Variants in CERS6 observed in about 807,000 individuals in gnomAD.
CERS6 encodes ceramide synthase 6.
CERS6 carries 26 observed loss-of-function variants against 56.8 expected under a neutral mutation model. That is an observed-to-expected ratio of 0.46 (90% CI 0.34 to 0.63). The LOEUF (loss-of-function observed/expected upper bound fraction) is 0.63, where lower values mean the gene tolerates loss of function less well. CERS6 is among the 30% of genes least tolerant of loss of function. The pLI is 0.01. For synonymous variants in CERS6, 164 were observed against 173.3 expected (o/e 0.95, Z 0.42); for missense variants, 415 against 467.5 (o/e 0.89, Z 1.04).
At chr2:168,695,488 A>G (rs1217539012) in intron 6 of CERS6, among the ~76,000 whole-genome samples, 4 of 152,182 alleles carry the variant, frequency 2.6e-5, no homozygotes, top group Admixed American at 6.5e-5. Context: ...AGCATTCCTC[A>G]GTGAACTGTG....
chr2:168,715,179 G>C (rs1448708206), intron 7 of CERS6, 50 bp downstream of exon 7: 3 of 1,555,754 alleles, frequency 1.9e-6, no homozygotes, highest in East Asian at 4.5e-5. Flanking sequence ...AATTTAGGAA[G>C]TCCCCAATCT....
At chr2:168,513,676 T>C (rs1375346009) in intron 1 of CERS6, among the ~76,000 whole-genome samples, 1 of 152,210 alleles carries the variant, frequency 6.6e-6, no homozygotes, top group Non-Finnish European at 1.5e-5. Flanking sequence ...TTGCCAGGTT[T>C]CTCTGCTCGA....
intron 1 of CERS6, among the ~76,000 whole-genome samples, chr2:168,541,969 T>C (rs1695380917): frequency 6.6e-6 from 1 of 152,236 alleles, no homozygotes; most frequent in South Asian, 2.1e-4. Context: ...TGCTTGCTGC[T>C]GTGTCTGTGT....
intron 4 of CERS6, among the ~76,000 whole-genome samples, chr2:168,662,081 C>G (rs962970813): frequency 1.3e-5 from 2 of 149,550 alleles, no homozygotes; most frequent in African/African-American, 4.9e-5. Context: ...TCATAATTAT[C>G]TTCAGCTGAG....
intron 3 of CERS6, among the ~76,000 whole-genome samples, chr2:168,620,068 TA>T (rs1684432058): frequency 9.5e-6 from 1 of 105,208 alleles, no homozygotes; most frequent in South Asian, 3.6e-4. Flanking sequence ...CACACATATT[TA>T]TATATATATG....
chr2:168,748,665 T>G lies in CERS6; in HGVS notation c.846-16927T>G, dbSNP rs530213318. On this transcript the variant is annotated intron_variant, in intron 8 of 9. Transcript: ENST00000305747. Reference sequence around the variant, plus strand: ...GCCTGTCCAAGGCTTGCCAGCAAATTGGTCACATCAGGCAGATTTCCAGCC... The same window carrying G: ...GCCTGTCCAAGGCTTGCCAGCAAATGGGTCACATCAGGCAGATTTCCAGCC... 3.9e-5 allele frequency among the ~76,000 whole-genome samples: 6 copies of G among 152,248 alleles called. No homozygotes were observed. The East Asian group carries it at 1.2e-3, about 29-fold the overall frequency.
intron 6 of CERS6, among the ~76,000 whole-genome samples, chr2:168,712,537 T>C (rs1467292559): frequency 1.3e-5 from 2 of 152,216 alleles, no homozygotes; most frequent in Non-Finnish European, 2.9e-5. Flanking sequence ...CCTCCCAATT[T>C]ATATCTGAAT....
At chr2:168,581,022 C>CT (rs201849418) in intron 3 of CERS6, among the ~76,000 whole-genome samples, 21,156 of 143,430 alleles carry the variant, frequency 0.15, 2,475 homozygotes, top group African/African-American at 0.33. Context: ...GGATTGCTAT[C>CT]TTTTTTTTTT....
intron 4 of CERS6, among the ~76,000 whole-genome samples, chr2:168,682,039 ATTCC>A (rs1686230699): frequency 6.6e-6 from 1 of 152,150 alleles, no homozygotes; most frequent in Non-Finnish European, 1.5e-5. Flanking sequence ...TCATCTGTTG[ATTCC>A]ATATCTTGGC....
intron 3 of CERS6, among the ~76,000 whole-genome samples, chr2:168,627,538 G>A (rs1467163773): frequency 6.6e-6 from 1 of 151,772 alleles, no homozygotes; most frequent in African/African-American, 2.4e-5. Context: ...GCAGAGAACT[G>A]TAAGACCAAC....
intron 8 of CERS6, among the ~76,000 whole-genome samples, chr2:168,764,005 A>G (rs544203602): frequency 6.6e-6 from 1 of 152,356 alleles, no homozygotes; most frequent in African/African-American, 2.4e-5. Context: ...CCTTTTATGT[A>G]TCTACTCCAG....
intron 3 of CERS6, among the ~76,000 whole-genome samples, chr2:168,573,050 A>G (rs1467686245): frequency 6.6e-6 from 1 of 152,128 alleles, no homozygotes; most frequent in African/African-American, 2.4e-5. Context: ...TTTCTGGAGG[A>G]GGTGACACTG....
chr2:168,639,708 A>G (rs1037654824), intron 4 of CERS6, among the ~76,000 whole-genome samples: 4 of 152,030 alleles, frequency 2.6e-5, no homozygotes, highest in African/African-American at 9.7e-5. Flanking sequence ...CAAGTACTTG[A>G]TGTGGAGCAG....
chr2:168,697,584 A>G (rs1686687576), intron 6 of CERS6, among the ~76,000 whole-genome samples: 1 of 146,744 alleles, frequency 6.8e-6, no homozygotes, highest in African/African-American at 2.5e-5. Context: ...GGGAGAATTG[A>G]TGCACAGAGT....
intron 8 of CERS6, among the ~76,000 whole-genome samples, chr2:168,752,968 T>A (rs567174045): frequency 2.6e-5 from 4 of 152,326 alleles, no homozygotes; most frequent in African/African-American, 9.6e-5. Context: ...AGAATGCATC[T>A]ATACAAATGG....
intron 4 of CERS6, among the ~76,000 whole-genome samples, chr2:168,663,618 T>G (rs946358661): frequency 6.6e-6 from 1 of 152,202 alleles, no homozygotes; most frequent in Non-Finnish European, 1.5e-5. Flanking sequence ...TTCTTTACTA[T>G]CATTCATATA....
At chr2:168,681,194 G>C (rs540066824) in intron 4 of CERS6, among the ~76,000 whole-genome samples, 1 of 152,232 alleles carries the variant, frequency 6.6e-6, no homozygotes, top group Non-Finnish European at 1.5e-5. Context: ...AGCAAGTTGG[G>C]TGGGTGGCAG....
chr2:168,649,431 A>G (rs1685287766), intron 4 of CERS6, among the ~76,000 whole-genome samples: 1 of 152,174 alleles, frequency 6.6e-6, no homozygotes, highest in Non-Finnish European at 1.5e-5. Context: ...ATATTGTATT[A>G]CGTCTTAATG....
intron 1 of CERS6, among the ~76,000 whole-genome samples, chr2:168,458,158 G>A (rs1266490373): frequency 6.6e-6 from 1 of 151,558 alleles, no homozygotes; most frequent in Non-Finnish European, 1.5e-5. Flanking sequence ...GGGATAGCAG[G>A]TTTGCTCTAT....
Sources: gnomAD v4.1 joint callset for allele counts (sites outside exome capture counted in the v4.1 genomes callset) on GRCh38, gnomAD v4.1.1 for gene constraint, MANE v1.5 for transcripts, NCBI Gene and HGNC (gene_info 2026-07-23, HGNC 2026-07-21) for gene names.